The following CRYBG3 variants were observed in gnomAD, a reference collection of about 807,000 sequenced individuals.
CRYBG3 encodes the protein crystallin beta-gamma domain containing 3.
A neutral mutation model predicts 244.2 loss-of-function variants in CRYBG3; 127 were observed. The ratio of observed to expected loss-of-function variants is 0.52; its 90% CI spans 0.45 to 0.60. The LOEUF is 0.60. Ranked by LOEUF, CRYBG3 falls within the 20% of genes least tolerant of loss-of-function variation. CRYBG3 has a pLI of 0.00. For missense variants in CRYBG3, 3,325 were observed against 3,442.5 expected (o/e 0.97, Z 0.85); for synonymous variants, 1,132 against 1,195.8 (o/e 0.95, Z 1.10).
intron 1 of CRYBG3, among the ~76,000 whole-genome samples, chr3:97,835,066 G>A (rs752058461): frequency 2.4e-4 from 37 of 151,992 alleles, no homozygotes; most frequent in Non-Finnish European, 2.2e-4. Flanking sequence ...CAAGAGTTTG[G>A]AACTTGAATT....
At chr3:97,895,503 C>T (rs1167531299) in intron 11 of CRYBG3, among the ~76,000 whole-genome samples, 6 of 152,114 alleles carry the variant, frequency 3.9e-5, no homozygotes, top group Non-Finnish European at 7.4e-5. Context: ...GTGACAGATT[C>T]GCTTTATTTA....
Position 97,874,519 on chromosome 3 carries a change from T to G in CRYBG3, c.3325T>G (p.Tyr1109Asp). 1 of 1,535,074 alleles carries G rather than the reference T, an allele frequency of 6.5e-7. No individual in the cohort carries two copies. The change falls in exon 4 of 22, where the codon TAT becomes GAT. Residue 1109 changes from tyrosine (Y) to aspartate (D), a missense_variant. Tyr to Asp is a radical substitution (Grantham distance 160, BLOSUM62 -3). Transcript: ENST00000389622. ...TAACCTGTTGTACCCTACTACCTCT[T>G]ATTTGGAATTTGAAACGTCTGTCTC... Reference protein sequence around the residue: ...VTNLLYPTTSYLEFETSVSIG... With the variant: ...VTNLLYPTTSDLEFETSVSIG...
intron 17 of CRYBG3, among the ~76,000 whole-genome samples, chr3:97,923,956 C>T (rs1200502913): frequency 6.6e-6 from 1 of 151,970 alleles, no homozygotes; most frequent in African/African-American, 2.4e-5. Context: ...CAAGCTTATC[C>T]TATGATTAAT....
intron 18 of CRYBG3, among the ~76,000 whole-genome samples, chr3:97,935,207 C>T (rs986330850): frequency 6.6e-6 from 1 of 152,204 alleles, no homozygotes; most frequent in African/African-American, 2.4e-5. Context: ...CACCATCCCA[C>T]ACAGTTTTCC....
At position 97,896,066 on chromosome 3, in the gene CRYBG3, C is replaced by G; in HGVS notation, c.7682C>G (p.Ser2561Cys). 6.2e-7 allele frequency: 1 copy of G among 1,610,950 alleles called. No homozygotes were observed. The highest frequency in any genetic ancestry group is 8.5e-7 in the Non-Finnish European group (1 of 1,178,632). ...ACGALSSPIL[S>C]FRYLQANFIE... The stretch of plus-strand genomic sequence containing the variant: ...GGTGCATTAAGTAGCCCTATCTTGT[C>G]TTTCCGGTACTTACAAGCTGTGAGT... The change falls in exon 12 of 22, where the codon TCT becomes TGT. Residue 2561 changes from serine (S) to cysteine (C), a missense_variant. Ser to Cys is a moderately radical substitution (Grantham distance 112, BLOSUM62 -1). This residue lies in a region of CRYBG3 where 714 missense variants were observed against 803.6 expected (regional missense o/e 0.89). Coordinates refer to ENST00000389622, the MANE Select transcript of CRYBG3 (RefSeq NM_153605.4).
In CRYBG3 at chr3:97,872,315, C is replaced by T; in HGVS notation, c.1121C>T (p.Thr374Ile). The T allele has an allele frequency of 6.5e-7, 1 of 1,535,934 alleles. No homozygotes were observed. Among genetic ancestry groups the T allele is most frequent in the Non-Finnish European group, 8.7e-7 (1 of 1,146,802 alleles). The change falls in exon 4 of 22, where the codon ACT becomes ATT. Residue 374 changes from threonine (T) to isoleucine (I), a missense_variant. This residue lies in a region of CRYBG3 where 1,526 missense variants were observed against 1,443.2 expected (regional missense o/e 1.06). Transcript: ENST00000389622. ...HHLSCEPVSQ[T>I]NRNLVCSALL... is the part of the protein sequence containing the mutation. ...TTAAGTTGTGAACCGGTTTCTCAGA[C>T]TAACAGAAATTTGGTATGTTCAGCA...
In CRYBG3 at chr3:97,892,944, A is replaced by G; in HGVS notation, c.7525A>G (p.Asn2509Asp). Residue 2509 changes from asparagine (N) to aspartate (D), a missense_variant, in exon 11 of 22, where the codon AAT (asparagine) becomes GAT (aspartate). Transcript: ENST00000389622. ...AGATTCTGTTCCTAATTTTTTGAAA[A>G]ATAATGGAGATTTTCACAGAATTGG... is the stretch of plus-strand genomic sequence containing the variant. ...HIDSVPNFLK[N>D]NGDFHRIGSI... The G allele has an allele frequency of 6.2e-7, 1 of 1,603,032 alleles. No homozygotes were observed. Among genetic ancestry groups the G allele is most frequent in the Non-Finnish European group, 8.5e-7 (1 of 1,175,384 alleles).
At chr3:97,822,809 G>A (rs888272270) in intron 1 of CRYBG3, among the ~76,000 whole-genome samples, 1 of 152,258 alleles carries the variant, frequency 6.6e-6, no homozygotes, top group African/African-American at 2.4e-5. Flanking sequence ...CCACTTGTGT[G>A]GGAGGAGATC....
At chr3:97,831,055 C>A (rs1403824342) in intron 1 of CRYBG3, among the ~76,000 whole-genome samples, 4 of 152,018 alleles carry the variant, frequency 2.6e-5, no homozygotes, top group Admixed American at 2.0e-4. Context: ...GAAATGACAT[C>A]GAAATTTATT....
chr3:97,841,271 T>A (rs1256957896), intron 1 of CRYBG3, among the ~76,000 whole-genome samples: 2 of 150,124 alleles, frequency 1.3e-5, no homozygotes, highest in Admixed American at 1.3e-4. Context: ...TATACACATA[T>A]ATGTACATAT....
intron 11 of CRYBG3, 61 bp downstream of exon 11, chr3:97,893,054 T>C: frequency 1.4e-6 from 2 of 1,438,126 alleles, no homozygotes; most frequent in Non-Finnish European, 1.9e-6. Context: ...AGCACAAAAA[T>C]GTGCTAAGCA....
intron 17 of CRYBG3, among the ~76,000 whole-genome samples, chr3:97,919,337 A>G (rs1352573256): frequency 6.6e-6 from 1 of 152,140 alleles, no homozygotes; most frequent in Non-Finnish European, 1.5e-5. Flanking sequence ...AATCATACTA[A>G]GACAGCTCTA....
At chr3:97,933,531 T>C (rs2040121561) in intron 17 of CRYBG3, 163 bp from the exon 18 acceptor site, 3 of 764,752 alleles carry the variant, frequency 3.9e-6, no homozygotes, top group Non-Finnish European at 6.8e-6. Flanking sequence ...ATTAATAAAA[T>C]CTAATCTTTC....
chr3:97,888,867 A>G (rs531618774), intron 9 of CRYBG3, among the ~76,000 whole-genome samples: 1 of 152,332 alleles, frequency 6.6e-6, no homozygotes, highest in South Asian at 2.1e-4. Context: ...CATGTGAGAA[A>G]AAGTGTTGGT....
At chr3:97,931,121 A>G (rs2040092850) in intron 17 of CRYBG3, among the ~76,000 whole-genome samples, 1 of 151,986 alleles carries the variant, frequency 6.6e-6, no homozygotes, top group Non-Finnish European at 1.5e-5. Context: ...AAATTTTTCT[A>G]ATAGTCTGTA....
chr3:97,895,853 A>G, intron 11 of CRYBG3, 106 bp from the exon 12 acceptor site: 2 of 962,346 alleles, frequency 2.1e-6, no homozygotes, highest in Non-Finnish European at 3.1e-6. Context: ...GTTGCTTTTT[A>G]CAATATGGAG....
intron 1 of CRYBG3, among the ~76,000 whole-genome samples, chr3:97,834,193 T>A: frequency 6.6e-6 from 1 of 152,130 alleles, no homozygotes; most frequent in East Asian, 1.9e-4. Context: ...CAGATATGCT[T>A]TATAAGTGCT....
chr3:97,915,647 C>A lies in CRYBG3; in HGVS notation c.8152C>A (p.His2718Asn), dbSNP rs1281614701. 6.2e-7 allele frequency: 1 copy of A among 1,612,120 alleles called. No individual in the cohort carries two copies. Among genetic ancestry groups the A allele is most frequent in the African/African-American group, 1.3e-5 (1 of 74,854 alleles). The change falls in exon 17 of 22, where the codon CAC becomes AAC. Residue 2718 changes from histidine (H) to asparagine (N), a missense_variant. His to Asn is a moderately conservative substitution (Grantham distance 68). Transcript: ENST00000389622. ...LYYQEDMFVN[H>N]CVLEEGLYAD... The stretch of plus-strand genomic sequence containing the variant: ...TTACCAAGAAGACATGTTTGTTAAT[C>A]ACTGTGTGTTAGAAGAAGGCCTCTA...
At chr3:97,930,003 G>A (rs879299057) in intron 17 of CRYBG3, among the ~76,000 whole-genome samples, 5 of 151,986 alleles carry the variant, frequency 3.3e-5, no homozygotes, top group Admixed American at 6.6e-5. Context: ...AAATATCTTT[G>A]TAGGCATTCT....
Sources: allele counts gnomAD v4.1 joint callset (sites outside exome capture counted in the v4.1 genomes callset), GRCh38; gene constraint gnomAD v4.1.1; regional missense constraint gnomAD v4.1.1; transcripts MANE v1.5; gene names NCBI Gene and HGNC (gene_info 2026-07-23, HGNC 2026-07-21).